Variants in SORCS3 observed in about 807,000 individuals in gnomAD.
SORCS3 encodes VPS10 domain-containing receptor SorCS3.
Under a neutral mutation model 146.3 loss-of-function variants are expected in SORCS3, and 57 were observed. The observed-to-expected ratio is 0.39, with a 90% confidence interval of 0.31 to 0.49. The LOEUF (loss-of-function observed/expected upper bound fraction) is 0.49. Ranked by LOEUF, SORCS3 falls within the 20% of genes least tolerant of loss-of-function variation. The pLI, the probability that SORCS3 is intolerant of heterozygous loss-of-function variation, is 0.92. For synonymous variants in SORCS3, 653 were observed against 618.5 expected (o/e 1.06, Z -0.83); for missense variants, 1,341 against 1,575.5 (o/e 0.85, Z 2.52).
intron 20 of SORCS3, among the ~76,000 whole-genome samples, chr10:105,245,259 T>C (rs1366000759): frequency 6.6e-6 from 1 of 152,108 alleles, no homozygotes; most frequent in South Asian, 2.1e-4. Flanking sequence ...ACAAAAGCTG[T>C]TTCTACTTTG....
chr10:104,776,686 T>C (rs575560032), intron 1 of SORCS3, among the ~76,000 whole-genome samples: 1 of 152,008 alleles, frequency 6.6e-6, no homozygotes, highest in Non-Finnish European at 1.5e-5. Context: ...ACATACTGCA[T>C]GGCCCCCTCC....
chr10:104,830,380 T>G (rs1442329418), intron 1 of SORCS3, among the ~76,000 whole-genome samples: 1 of 152,162 alleles, frequency 6.6e-6, no homozygotes, highest in Non-Finnish European at 1.5e-5. Context: ...ATCACGTGAC[T>G]GCCTAGGAGG....
chr10:104,776,935 G>A (rs975317621), intron 1 of SORCS3, among the ~76,000 whole-genome samples: 1 of 149,938 alleles, frequency 6.7e-6, no homozygotes, highest in Non-Finnish European at 1.5e-5. Flanking sequence ...GTGATGACAG[G>A]CAGACAGGCA....
chr10:105,105,374 A>G (rs756936283), intron 6 of SORCS3, 23 bp from the exon 7 acceptor site: 2 of 1,532,296 alleles, frequency 1.3e-6, no homozygotes, highest in South Asian at 2.2e-5. Context: ...GTATCTAAGC[A>G]TCACTCTACC....
At chr10:105,176,047 G>A (rs762411002) in intron 13 of SORCS3, among the ~76,000 whole-genome samples, 1 of 152,178 alleles carries the variant, frequency 6.6e-6, no homozygotes, top group East Asian at 1.9e-4. Flanking sequence ...CTAATGGGGT[G>A]GTAATTCACA....
At chr10:105,011,420 A>G (rs1002345321) in intron 4 of SORCS3, among the ~76,000 whole-genome samples, 2 of 152,192 alleles carry the variant, frequency 1.3e-5, no homozygotes, top group Non-Finnish European at 2.9e-5. Context: ...AGCATACAAT[A>G]TGCATTTCTT....
At chr10:104,938,468 G>C (rs766743761) in intron 3 of SORCS3, among the ~76,000 whole-genome samples, 6 of 152,026 alleles carry the variant, frequency 3.9e-5, no homozygotes, top group Non-Finnish European at 8.8e-5. Flanking sequence ...CATACTCTTT[G>C]ACCTTTTTTG....
At chr10:104,676,106 G>T (rs1182761041) in intron 1 of SORCS3, among the ~76,000 whole-genome samples, 3 of 151,764 alleles carry the variant, frequency 2.0e-5, no homozygotes, top group African/African-American at 7.3e-5. Flanking sequence ...TCTAATTTTT[G>T]TTCCTAGTAT....
At chr10:105,212,387 A>G (rs958405822) in intron 17 of SORCS3, among the ~76,000 whole-genome samples, 7 of 152,188 alleles carry the variant, frequency 4.6e-5, no homozygotes, top group Admixed American at 6.5e-5. Flanking sequence ...GGTGTCAGAG[A>G]ATAAAGTGCC....
At chr10:105,190,973 G>A (rs2056513577) in intron 14 of SORCS3, among the ~76,000 whole-genome samples, 1 of 152,168 alleles carries the variant, frequency 6.6e-6, no homozygotes, top group Non-Finnish European at 1.5e-5. Context: ...TTTTGCACAT[G>A]AGGAAAGTAA....
chr10:104,858,624 C>CTT (rs775216095), intron 2 of SORCS3, among the ~76,000 whole-genome samples: 40 of 141,492 alleles, frequency 2.8e-4, no homozygotes, highest in Non-Finnish European at 3.4e-4. Flanking sequence ...GAGAAGTGTA[C>CTT]TTTTTTTTTT....
At chr10:104,659,200 C>T (rs1186017082) in intron 1 of SORCS3, among the ~76,000 whole-genome samples, 1 of 152,082 alleles carries the variant, frequency 6.6e-6, no homozygotes, top group Non-Finnish European at 1.5e-5. Context: ...AATTAGAGGA[C>T]CATTTTTCAT....
At position 104,922,954 on chromosome 10, in the gene SORCS3, A is replaced by G. The variant is rs558988195; in HGVS notation, c.795+7022A>G. Among the ~76,000 whole-genome samples the G allele has an allele frequency of 2.6e-4, 40 of 152,336 alleles. 1 individual carries two copies. Among genetic ancestry groups the G allele is most frequent in the African/African-American group, 7.9e-4 (33 of 41,574 alleles). Reference sequence around the variant, plus strand: ...TTTCCCTTTGACTCAGAGGAAGCACATGGTTGATCCTTCAGTGCAAAGGGA... The same window carrying G: ...TTTCCCTTTGACTCAGAGGAAGCACGTGGTTGATCCTTCAGTGCAAAGGGA... On this transcript the variant is annotated intron_variant, in intron 3 of 26. Coordinates refer to ENST00000369701, the MANE Select transcript of SORCS3 (RefSeq NM_014978.3).
chr10:104,762,183 C>T (rs912720954), intron 1 of SORCS3, among the ~76,000 whole-genome samples: 1 of 152,144 alleles, frequency 6.6e-6, no homozygotes, highest in Non-Finnish European at 1.5e-5. Flanking sequence ...GTAAGTCCTC[C>T]CTGTTCACCC....
At chr10:105,016,069 T>A (rs2133684644) in intron 4 of SORCS3, among the ~76,000 whole-genome samples, 1 of 149,320 alleles carries the variant, frequency 6.7e-6, no homozygotes, top group Admixed American at 6.7e-5. Flanking sequence ...GGATCACAAG[T>A]GTTAGTATTG....
At chr10:104,879,488 A>G (rs776358975) in intron 2 of SORCS3, among the ~76,000 whole-genome samples, 5 of 152,322 alleles carry the variant, frequency 3.3e-5, no homozygotes, top group Admixed American at 1.3e-4. Flanking sequence ...CCTGATCTCA[A>G]TATCTTTACT....
intron 4 of SORCS3, among the ~76,000 whole-genome samples, chr10:104,990,743 A>G (rs774138307): frequency 1.3e-5 from 2 of 152,188 alleles, no homozygotes; most frequent in African/African-American, 2.4e-5. Flanking sequence ...AGAGTCACAG[A>G]AAGATGTTAC....
intron 7 of SORCS3, among the ~76,000 whole-genome samples, chr10:105,111,812 A>G (rs1335653214): frequency 6.6e-6 from 1 of 152,228 alleles, no homozygotes; most frequent in African/African-American, 2.4e-5. Flanking sequence ...GAAGAGGGTC[A>G]GTACAGGCTT....
Position 105,230,780 on chromosome 10 carries a change from C to T in SORCS3, c.2868+7531C>T, listed in dbSNP as rs566667061. On this transcript the variant is annotated intron_variant, in intron 20 of 26. Transcript: ENST00000369701. Reference sequence around the variant, plus strand: ...GGCTCCAGGAATAAGGAGATGTAGTCGCTGTTGGGCCCCAGAGCAAGGCAA... The same window carrying T: ...GGCTCCAGGAATAAGGAGATGTAGTTGCTGTTGGGCCCCAGAGCAAGGCAA... 7.9e-5 allele frequency among the ~76,000 whole-genome samples: 12 copies of T among 152,270 alleles called. No individual in the cohort carries two copies. The East Asian group carries it at 1.4e-3, about 17-fold the overall frequency.
Sources: gnomAD v4.1 joint callset for allele counts (sites outside exome capture counted in the v4.1 genomes callset) on GRCh38, gnomAD v4.1.1 for gene constraint, MANE v1.5 for transcripts, NCBI Gene and HGNC (gene_info 2026-07-23, HGNC 2026-07-21) for gene names.